NT5E: variants seen among roughly 807,000 people sequenced by gnomAD.
NT5E encodes the protein 5'-nucleotidase.
A neutral mutation model predicts 55.1 loss-of-function variants in NT5E; 53 were observed. That is an observed-to-expected ratio of 0.96 (90% confidence interval 0.77 to 1.21). The LOEUF (loss-of-function observed/expected upper bound fraction) is 1.21. Among genes scored for constraint, NT5E ranks in the 50% most tolerant of loss-of-function variants. The pLI is 0.00. For missense variants in NT5E, 683 were observed against 724.3 expected, an observed-to-expected ratio of 0.94 and a Z score of 0.65; for synonymous variants, 270 against 278.4, an observed-to-expected ratio of 0.97 and a Z score of 0.30.
chr6:85,456,731 TGAG>T (rs1768998896), intron 1 of NT5E, among the ~76,000 whole-genome samples: 1 of 152,084 alleles, frequency 6.6e-6, no homozygotes, highest in African/African-American at 2.4e-5. Flanking sequence ...CTCTGGTAAT[TGAG>T]GAGACCAAAT....
chr6:85,491,309 C>A (rs550420020), intron 7 of NT5E: 50 of 326,816 alleles, frequency 1.5e-4, no homozygotes, highest in African/African-American at 8.6e-4. Flanking sequence ...TAAAAGCAAT[C>A]TTATTTTACC....
intron 5 of NT5E, among the ~76,000 whole-genome samples, chr6:85,488,505 A>G (rs1026204490): frequency 2.6e-5 from 4 of 152,218 alleles, no homozygotes; most frequent in African/African-American, 9.7e-5. Flanking sequence ...GGCTGTTGGC[A>G]GTGCTTATCC....
At chr6:85,488,587 T>A (rs141081936) in intron 5 of NT5E, among the ~76,000 whole-genome samples, 2,487 of 152,092 alleles carry the variant, frequency 0.016, 71 homozygotes, top group African/African-American at 0.055. Flanking sequence ...TTAATTAATT[T>A]ATTTATTTAT....
chr6:85,453,395 G>A (rs1208669253), intron 1 of NT5E, among the ~76,000 whole-genome samples: 3 of 152,176 alleles, frequency 2.0e-5, no homozygotes, highest in African/African-American at 7.2e-5. Flanking sequence ...GAATTGTGAG[G>A]AAGGGAAGGT....
rs1161862020 is a variant in NT5E at position 85,471,300 on chromosome 6, C to G, written c.626C>G (p.Thr209Ser). ...ALQPEVDKLK[T>S]LNVNKIIALG... is the part of the protein sequence containing the mutation. ...CAACCTGAAGTAGATAAGTTAAAAA[C>G]TCTAAATGTGAACAAAATTATTGCA... Residue 209 changes from threonine to serine, a missense_variant, in exon 3 of 9, where the codon ACT becomes AGT. Coordinates refer to ENST00000257770, the MANE Select transcript of NT5E (RefSeq NM_002526.4). The G allele has an allele frequency of 6.2e-7, 1 of 1,612,606 alleles. No homozygotes were observed. The highest frequency in any genetic ancestry group is 1.3e-5 in the African/African-American group (1 of 74,982).
chr6:85,470,794 G>A (rs1769288737), intron 2 of NT5E, among the ~76,000 whole-genome samples: 1 of 152,178 alleles, frequency 6.6e-6, no homozygotes, highest in Non-Finnish European at 1.5e-5. Flanking sequence ...ATTAAAATAG[G>A]CATTCAAGGA....
intron 4 of NT5E, among the ~76,000 whole-genome samples, chr6:85,486,779 T>C (rs897655013): frequency 6.6e-6 from 1 of 152,246 alleles, no homozygotes; most frequent in African/African-American, 2.4e-5. Flanking sequence ...TCTCCCTACA[T>C]GAGTCTCAGA....
chr6:85,470,344 T>C (rs1769279608), intron 2 of NT5E, among the ~76,000 whole-genome samples: 1 of 152,188 alleles, frequency 6.6e-6, no homozygotes. Flanking sequence ...TGTGCAGTAA[T>C]AAGCACCCAG....
chr6:85,482,035 AAAAG>A (rs1769561055), intron 3 of NT5E, among the ~76,000 whole-genome samples: 2 of 152,352 alleles, frequency 1.3e-5, no homozygotes, highest in South Asian at 4.1e-4. Context: ...TAAGTAATTT[AAAAG>A]AAAGAGTCAA....
intron 1 of NT5E, among the ~76,000 whole-genome samples, chr6:85,460,612 C>G (rs1341112368): frequency 6.6e-6 from 1 of 152,136 alleles, no homozygotes; most frequent in African/African-American, 2.4e-5. Context: ...GCTGCATGAC[C>G]ACACTGTCCT....
intron 1 of NT5E, among the ~76,000 whole-genome samples, chr6:85,461,967 G>A (rs1769106904): frequency 6.6e-6 from 1 of 152,236 alleles, no homozygotes; most frequent in South Asian, 2.1e-4. Context: ...TGTGAGTGAG[G>A]TACTTGTGAG....
At chr6:85,474,837 G>A (rs1769393354) in intron 3 of NT5E, among the ~76,000 whole-genome samples, 1 of 152,146 alleles carries the variant, frequency 6.6e-6, no homozygotes, top group Non-Finnish European at 1.5e-5. Context: ...AGGAGGCTGA[G>A]GTGGGAGAAT....
At position 85,467,081 on chromosome 6, in the gene NT5E, G is replaced by A. The variant is rs1243957229; in HGVS notation, c.361G>A (p.Asp121Asn). 6.2e-7 allele frequency: 1 copy of A among 1,614,100 alleles called. No homozygotes were observed. The highest frequency in any genetic ancestry group is 2.2e-5 in the East Asian group (1 of 44,878). The change falls in exon 2 of 9, where the codon GAT becomes AAT. Residue 121 changes from aspartate (D) to asparagine (N), a missense_variant. By Grantham distance (23) the Asp-to-Asn change is conservative. Transcript: ENST00000257770. ...CTAGGCACTGGGAAATCATGAATTT[G>A]ATAATGGTGTGGAAGGACTGATCGA... ...DAMALGNHEF[D>N]NGVEGLIEPL...
chr6:85,490,421 C>A, intron 6 of NT5E, 87 bp from the exon 7 acceptor site: 2 of 1,456,810 alleles, frequency 1.4e-6, no homozygotes, highest in African/African-American at 1.4e-5. Context: ...CCCCTCATTT[C>A]TTCCCCCAGC....
chr6:85,471,773 C>A (rs1320190925), intron 3 of NT5E, among the ~76,000 whole-genome samples: 1 of 151,942 alleles, frequency 6.6e-6, no homozygotes, highest in Non-Finnish European at 1.5e-5. Context: ...TATCAAAAAG[C>A]AACATGTCAT....
In NT5E at chr6:85,493,934, G is replaced by A. The variant is rs1286141574; in HGVS notation, c.1655G>A (p.Ser552Asn). The stretch of plus-strand genomic sequence containing the variant: ...GGTCGGATCAAGTTTTCCACAGGAA[G>A]TCACTGCCATGGAAGCTTTTCTTTA... ...VEGRIKFSTG[S>N]HCHGSFSLIF... Residue 552 changes from serine (S) to asparagine (N), a missense_variant, in exon 9 of 9, where the codon AGT (serine) becomes AAT (asparagine). Coordinates refer to ENST00000257770, the MANE Select transcript of NT5E (RefSeq NM_002526.4). The A allele has an allele frequency of 6.2e-7, 1 of 1,614,004 alleles. No individual in the cohort carries two copies. The highest frequency in any genetic ancestry group is 1.3e-5 in the African/African-American group (1 of 74,942).
chr6:85,451,836 A>G (rs1768864986), intron 1 of NT5E, among the ~76,000 whole-genome samples: 1 of 152,202 alleles, frequency 6.6e-6, no homozygotes, highest in African/African-American at 2.4e-5. Context: ...GGAAAAGATG[A>G]TAAGAGGGCA....
intron 2 of NT5E, among the ~76,000 whole-genome samples, chr6:85,468,309 G>T (rs576844818): frequency 1.3e-5 from 2 of 152,274 alleles, no homozygotes; most frequent in South Asian, 4.1e-4. Flanking sequence ...GGGTGGAGCG[G>T]CTGGGGCTGG....
intron 7 of NT5E, chr6:85,491,356 G>A: frequency 3.0e-6 from 1 of 335,576 alleles, no homozygotes; most frequent in Admixed American, 4.3e-5. Flanking sequence ...TTTAACCTTA[G>A]GTTGTGGTCC....
Sources: gnomAD v4.1 joint callset for allele counts (sites outside exome capture counted in the v4.1 genomes callset) on GRCh38, gnomAD v4.1.1 for gene constraint, MANE v1.5 for transcripts, NCBI Gene and HGNC (gene_info 2026-07-23, HGNC 2026-07-21) for gene names.